Variants in MAP3K5 observed in about 807,000 individuals in gnomAD.
MAP3K5 encodes mitogen-activated protein kinase kinase kinase 5.
Under a neutral mutation model 158.7 loss-of-function variants are expected in MAP3K5, and 56 were observed. The ratio of observed to expected loss-of-function variants is 0.35; its 90% CI spans 0.28 to 0.44. MAP3K5 has a LOEUF of 0.44. Ranked by LOEUF, MAP3K5 falls within the 20% of genes least tolerant of loss-of-function variation. The pLI is 1.00. For synonymous variants in MAP3K5, 579 were observed against 601.7 expected (o/e 0.96, Z 0.55); for missense variants, 1,294 against 1,674.8 (o/e 0.77, Z 3.97).
rs765888315 is a variant in MAP3K5, at chr6:136,567,812, C to T, written c.3580G>A (p.Val1194Ile). Residue 1194 changes from valine to isoleucine, a missense_variant, in exon 26 of 30, where the codon GTA (valine) becomes ATA (isoleucine). By Grantham distance (29) the Val-to-Ile change is conservative (BLOSUM62 3). Coordinates refer to ENST00000359015, the MANE Select transcript of MAP3K5 (RefSeq NM_005923.4). ...GGCTGTTCCTCATGGTCATCTTCTACATCCAAGTCTTCTTGATCAGCAGTA... is the reference window on the plus strand; with the variant it reads ...GGCTGTTCCTCATGGTCATCTTCTATATCCAAGTCTTCTTGATCAGCAGTA... Reference protein sequence around the residue: ...SDTADQEDLDVEDDHEEQPSN... With the variant: ...SDTADQEDLDIEDDHEEQPSN... The T allele has an allele frequency of 2.5e-6, 4 of 1,614,008 alleles. No homozygotes were observed. In the East Asian group the frequency reaches 6.7e-5, roughly 27 times the overall value.
rs779114748 is a variant in MAP3K5, at chr6:136,669,392, G to C, written c.1257C>G (p.Phe419Leu). The C allele has an allele frequency of 1.3e-6, 2 of 1,591,566 alleles. No homozygotes were observed. The highest frequency in any genetic ancestry group is 1.7e-6 in the Non-Finnish European group (2 of 1,160,912). ...TESRDHGASW[F>L]KKAFESEPTL... ...TTGGCTCAGATTCAAATGCCTTTTTGAACCTATAAAAAACCACAAATGTAC... is the reference window on the plus strand; with the variant it reads ...TTGGCTCAGATTCAAATGCCTTTTTCAACCTATAAAAAACCACAAATGTAC... Residue 419 changes from phenylalanine to leucine, a missense_variant, in exon 8 of 30, where the codon TTC (phenylalanine) becomes TTG (leucine). Coordinates refer to ENST00000359015, the MANE Select transcript of MAP3K5 (RefSeq NM_005923.4).
At chr6:136,633,302 G>A (rs939430836) in intron 14 of MAP3K5, among the ~76,000 whole-genome samples, 2 of 152,136 alleles carry the variant, frequency 1.3e-5, no homozygotes, top group Admixed American at 1.3e-4. Context: ...AAGAGGCTGC[G>A]GTGGGAGCAC....
rs908914831 is a variant in MAP3K5 at position 136,659,377 on chromosome 6, C to T, written c.1368G>A (p.Gly456=). The T allele has an allele frequency of 3.1e-6, 5 of 1,613,446 alleles. No individual in the cohort carries two copies. In the African/African-American group the frequency reaches 6.7e-5, roughly 22 times the overall value. Residue 456 remains glycine, a splice_region_variant and synonymous_variant, in exon 9 of 30, where the codon GGG becomes GGA. Transcript: ENST00000359015. The part of the protein sequence containing the change: ...FESSFELRKV[G]VKLSSLLGKK... Reference sequence around the variant, plus strand: ...TACCAAGAAGACTACTTAGCTTCACCCCTAGAATACAAACAGGAAGTAGAA... The same window carrying T: ...TACCAAGAAGACTACTTAGCTTCACTCCTAGAATACAAACAGGAAGTAGAA...
chr6:136,712,569 C>A (rs1781353429), intron 2 of MAP3K5, among the ~76,000 whole-genome samples: 1 of 152,146 alleles, frequency 6.6e-6, no homozygotes. Context: ...CTAATTGGGT[C>A]ACATTATTCA....
chr6:136,627,622 C>A (rs1176858564), intron 14 of MAP3K5, among the ~76,000 whole-genome samples: 4 of 152,114 alleles, frequency 2.6e-5, no homozygotes, highest in African/African-American at 9.7e-5. Context: ...GATTAGTCCC[C>A]TTATGAAAGA....
intron 23 of MAP3K5, among the ~76,000 whole-genome samples, chr6:136,588,530 A>G (rs1172051689): frequency 6.6e-6 from 1 of 152,224 alleles, no homozygotes; most frequent in African/African-American, 2.4e-5. Context: ...TTCTTCTGCT[A>G]GAATGTCAAC....
chr6:136,644,225 A>G (rs1778131453), intron 11 of MAP3K5, among the ~76,000 whole-genome samples: 1 of 152,218 alleles, frequency 6.6e-6, no homozygotes, highest in Non-Finnish European at 1.5e-5. Context: ...AAAGGTTGCC[A>G]GTGCTGCCAG....
At chr6:136,717,722 A>C (rs2114767021) in intron 2 of MAP3K5, among the ~76,000 whole-genome samples, 1 of 152,170 alleles carries the variant, frequency 6.6e-6, no homozygotes, top group East Asian at 1.9e-4. Context: ...ACACACACAC[A>C]CCAACTCTTT....
At chr6:136,610,051 C>T (rs772012000) in intron 18 of MAP3K5, among the ~76,000 whole-genome samples, 1 of 152,114 alleles carries the variant, frequency 6.6e-6, no homozygotes, top group Non-Finnish European at 1.5e-5. Context: ...GGTACTCCCA[C>T]CTACCTCACA....
intron 1 of MAP3K5, among the ~76,000 whole-genome samples, chr6:136,779,021 T>C (rs1414389249): frequency 6.6e-6 from 1 of 151,856 alleles, no homozygotes; most frequent in African/African-American, 2.4e-5. Context: ...AAAATAAGAC[T>C]TGGCACAGTG....
At chr6:136,670,424 A>G (rs1779433015) in intron 7 of MAP3K5, among the ~76,000 whole-genome samples, 1 of 152,140 alleles carries the variant, frequency 6.6e-6, no homozygotes, top group Non-Finnish European at 1.5e-5. Context: ...TTTTAAAAAA[A>G]TCATGCTGAA....
At chr6:136,583,837 TC>T (rs1421306730) in intron 23 of MAP3K5, 97 bp from the exon 24 acceptor site, 1 of 1,195,346 alleles carries the variant, frequency 8.4e-7, no homozygotes, top group South Asian at 1.5e-5. Flanking sequence ...CATTTTTTTT[TC>T]TTTTGGTAGA....
intron 23 of MAP3K5, among the ~76,000 whole-genome samples, chr6:136,588,465 T>C (rs1050169364): frequency 6.6e-6 from 1 of 152,212 alleles, no homozygotes; most frequent in African/African-American, 2.4e-5. Context: ...GTAACTGGCC[T>C]AAAGAAAATG....
At chr6:136,760,274 T>C (rs566967044) in intron 1 of MAP3K5, among the ~76,000 whole-genome samples, 1 of 152,144 alleles carries the variant, frequency 6.6e-6, no homozygotes, top group East Asian at 1.9e-4. Context: ...CAGTCTACAA[T>C]TTTTTTTCCT....
At chr6:136,685,416 T>C (rs942454570) in intron 7 of MAP3K5, among the ~76,000 whole-genome samples, 3 of 152,138 alleles carry the variant, frequency 2.0e-5, no homozygotes, top group Non-Finnish European at 4.4e-5. Context: ...TAGATCACAT[T>C]AGAGACTCTC....
chr6:136,673,960 C>A (rs1414511220), intron 7 of MAP3K5, among the ~76,000 whole-genome samples: 2 of 151,904 alleles, frequency 1.3e-5, no homozygotes, highest in Non-Finnish European at 2.9e-5. Context: ...AGTCTAAATG[C>A]CAAAACATGT....
At chr6:136,611,579 TTTG>T (rs1776348551) in intron 17 of MAP3K5, among the ~76,000 whole-genome samples, 192 bp from the exon 18 acceptor site, 1 of 152,248 alleles carries the variant, frequency 6.6e-6, no homozygotes, top group Non-Finnish European at 1.5e-5. Flanking sequence ...ATATTATCAG[TTTG>T]AAACCAACCG....
chr6:136,569,552 A>G (rs916275167), intron 25 of MAP3K5, among the ~76,000 whole-genome samples: 6 of 152,134 alleles, frequency 3.9e-5, no homozygotes, highest in African/African-American at 1.4e-4. Context: ...TGGGACCCCA[A>G]CCACTTCCCC....
chr6:136,792,484 C>T, upstream of MAP3K5: 1 of 715,668 alleles, frequency 1.4e-6, no homozygotes, highest in South Asian at 6.2e-5. This position sits in a 1 kb window ranked among gnomAD's most constrained non-coding sequence, Gnocchi z 5.7. Flanking sequence ...GCTCGCAAAC[C>T]TGCGCCGCGG....
Sources: allele counts gnomAD v4.1 joint callset (sites outside exome capture counted in the v4.1 genomes callset), GRCh38; gene constraint gnomAD v4.1.1; non-coding constraint Gnocchi (gnomAD v3.1); transcripts MANE v1.5; gene names NCBI Gene and HGNC (gene_info 2026-07-23, HGNC 2026-07-21).